The following PRKG1 variants were observed in gnomAD, a reference collection of about 807,000 sequenced individuals.
PRKG1 encodes the protein protein kinase cGMP-dependent 1.
Under a neutral mutation model 88.1 loss-of-function variants are expected in PRKG1, and 35 were observed. The ratio of observed to expected loss-of-function variants is 0.40; its 90% CI spans 0.30 to 0.53. PRKG1 has a LOEUF of 0.53. Ranked by LOEUF, PRKG1 falls within the 20% of genes least tolerant of loss-of-function variation. PRKG1 has a pLI of 0.59. For synonymous variants in PRKG1, 303 were observed against 292.5 expected (o/e 1.04, Z -0.37); for missense variants, 540 against 839.8 (o/e 0.64, Z 4.41).
At chr10:51,045,046 A>G (rs980809284) in intron 1 of PRKG1, among the ~76,000 whole-genome samples, 17 of 152,184 alleles carry the variant, frequency 1.1e-4, no homozygotes, top group African/African-American at 3.4e-4. Flanking sequence ...TTGTCTTAAA[A>G]GGTAGACATT....
intron 2 of PRKG1, among the ~76,000 whole-genome samples, chr10:51,291,457 T>C (rs1382869834): frequency 6.6e-6 from 1 of 152,170 alleles, no homozygotes; most frequent in African/African-American, 2.4e-5. Context: ...AGTCTGCTGC[T>C]TAGGTCCAGT....
chr10:51,393,229 CGGGG>C (rs1837484482), intron 2 of PRKG1, among the ~76,000 whole-genome samples: 1 of 150,116 alleles, frequency 6.7e-6, no homozygotes, highest in East Asian at 2.0e-4. Flanking sequence ...GACAGGGCGG[CGGGG>C]CAGAGATGCT....
chr10:51,658,884 G>GT (rs1469161055), intron 3 of PRKG1, among the ~76,000 whole-genome samples: 3 of 151,576 alleles, frequency 2.0e-5, no homozygotes, highest in East Asian at 1.9e-4. Context: ...AAATACTTAA[G>GT]TTTTTTTTGC....
intron 4 of PRKG1, among the ~76,000 whole-genome samples, chr10:51,821,104 G>A (rs1016979616): frequency 2.0e-5 from 3 of 152,148 alleles, no homozygotes; most frequent in Non-Finnish European, 2.9e-5. Flanking sequence ...GAATCAGGTA[G>A]TATGTACTCT....
intron 4 of PRKG1, among the ~76,000 whole-genome samples, chr10:51,887,781 G>C (rs548556959): frequency 1.3e-5 from 2 of 152,102 alleles, no homozygotes; most frequent in South Asian, 4.1e-4. Context: ...TAATTAGTTT[G>C]TTTCTTTGTT....
intron 2 of PRKG1, among the ~76,000 whole-genome samples, chr10:51,348,557 T>C (rs1842166725): frequency 6.6e-6 from 1 of 152,212 alleles, no homozygotes; most frequent in Admixed American, 6.5e-5. Flanking sequence ...CAATGATGTT[T>C]ATTCACTGAA....
intron 1 of PRKG1, among the ~76,000 whole-genome samples, chr10:51,093,774 C>CAT (rs1844455563): frequency 1.5e-5 from 2 of 133,960 alleles, no homozygotes; most frequent in African/African-American, 2.8e-5. Context: ...TATACATATA[C>CAT]ATATATATGT....
At chr10:51,867,685 G>C (rs1475393536) in intron 4 of PRKG1, among the ~76,000 whole-genome samples, 1 of 152,138 alleles carries the variant, frequency 6.6e-6, no homozygotes, top group Non-Finnish European at 1.5e-5. Context: ...TAGCAAAATT[G>C]GGGATGGAGC....
At chr10:51,525,534 TA>T (rs1157981517) in intron 3 of PRKG1, among the ~76,000 whole-genome samples, 1 of 151,868 alleles carries the variant, frequency 6.6e-6, no homozygotes, top group Non-Finnish European at 1.5e-5. Context: ...TTGTCTCTAC[TA>T]AAAATACAAA....
At chr10:51,061,348 T>C (rs548507625) in intron 1 of PRKG1, among the ~76,000 whole-genome samples, 179 of 152,244 alleles carry the variant, frequency 1.2e-3, no homozygotes, top group African/African-American at 4.1e-3. Flanking sequence ...CCTACCCCCA[T>C]GAGTCAATTA....
chr10:51,504,749 C>A (rs1221344830), intron 3 of PRKG1, among the ~76,000 whole-genome samples: 1 of 152,102 alleles, frequency 6.6e-6, no homozygotes, highest in Non-Finnish European at 1.5e-5. Flanking sequence ...AATGGGAATT[C>A]ACTCCTGATT....
intron 1 of PRKG1, among the ~76,000 whole-genome samples, chr10:51,005,806 G>A (rs570127389): frequency 2.5e-4 from 38 of 152,288 alleles, no homozygotes; most frequent in African/African-American, 8.4e-4. Context: ...GAGTGGGCAG[G>A]GATCATTGAC....
At chr10:51,151,453 T>C (rs1373206155) in intron 1 of PRKG1, among the ~76,000 whole-genome samples, 2 of 152,176 alleles carry the variant, frequency 1.3e-5, no homozygotes, top group Middle Eastern at 3.4e-3. Context: ...TATCATTTTG[T>C]AGATGATAAC....
intron 1 of PRKG1, among the ~76,000 whole-genome samples, chr10:51,038,253 A>G (rs1843377993): frequency 6.6e-6 from 1 of 152,256 alleles, no homozygotes; most frequent in Non-Finnish European, 1.5e-5. Flanking sequence ...ACAAGCATGC[A>G]ATGCATAATA....
intron 3 of PRKG1, among the ~76,000 whole-genome samples, chr10:51,615,110 A>G (rs1367711131): frequency 6.8e-6 from 1 of 147,930 alleles, no homozygotes; most frequent in South Asian, 2.2e-4. Flanking sequence ...AATATATTCA[A>G]CTTTGAATAT....
intron 8 of PRKG1, among the ~76,000 whole-genome samples, chr10:52,141,092 T>G (rs565516109): frequency 6.6e-6 from 1 of 152,298 alleles, no homozygotes; most frequent in East Asian, 1.9e-4. Flanking sequence ...TAGAATGGTG[T>G]CAGCTGCAAT....
In PRKG1 at chr10:51,330,466, A is replaced by G. The variant is rs567437167; in HGVS notation, c.479-137257A>G. Among the ~76,000 whole-genome samples, 22 of 152,104 alleles carry G rather than the reference A, an allele frequency of 1.4e-4. No homozygotes were observed. In the East Asian group the frequency reaches 3.5e-3, roughly 24 times the overall value. ...ACACCCGGCCACGTTCTCTCTTTTG[A>G]TGCTGTTCCATACATCTTGTAAGCT... On this transcript the variant is annotated intron_variant, in intron 2 of 17. Transcript: ENST00000373980.
At chr10:51,699,157 T>C (rs985531400) in intron 3 of PRKG1, 2 of 1,614,210 alleles carry the variant, frequency 1.2e-6, no homozygotes, top group Admixed American at 1.7e-5. Flanking sequence ...GACTGGCTAC[T>C]GCTCTGGTAA....
chr10:51,359,994 A>G (rs1204751968), intron 2 of PRKG1, among the ~76,000 whole-genome samples: 1 of 151,892 alleles, frequency 6.6e-6, no homozygotes. Flanking sequence ...TCTTCAGAAA[A>G]TTGCTCAGGG....
Sources: gnomAD v4.1 joint callset for allele counts (sites outside exome capture counted in the v4.1 genomes callset) on GRCh38, gnomAD v4.1.1 for gene constraint, MANE v1.5 for transcripts, NCBI Gene and HGNC (gene_info 2026-07-23, HGNC 2026-07-21) for gene names.